Variants in ALMS1 observed in about 807,000 individuals in gnomAD.
The protein encoded by ALMS1 is ALMS1 centrosome and basal body associated protein.
In ALMS1, 271 loss-of-function variants were observed where a neutral mutation model predicts 352.2. That is an observed-to-expected ratio of 0.77 (90% CI 0.70 to 0.85). ALMS1 has a LOEUF of 0.85. ALMS1 is among the 40% of genes least tolerant of loss of function. The pLI is 0.00. For missense variants in ALMS1, 5,445 were observed against 4,870.7 expected, an observed-to-expected ratio of 1.12 and a Z score of -3.51; for synonymous variants, 1,865 against 1,761.2, an observed-to-expected ratio of 1.06 and a Z score of -1.48.
chr2:73,425,835 T>C (rs1431968438), intron 5 of ALMS1, among the ~76,000 whole-genome samples: 1 of 152,206 alleles, frequency 6.6e-6, no homozygotes, highest in Non-Finnish European at 1.5e-5. Context: ...GTAATAATGA[T>C]AGCTTCCTAT....
intron 11 of ALMS1, among the ~76,000 whole-genome samples, chr2:73,520,913 T>A (rs1572992160): frequency 6.6e-6 from 1 of 152,326 alleles, no homozygotes; most frequent in African/African-American, 2.4e-5. Flanking sequence ...ATGGAGACTT[T>A]ACTAATTTTT....
At chr2:73,495,781 G>A (rs754035249) in intron 10 of ALMS1, among the ~76,000 whole-genome samples, 6 of 152,088 alleles carry the variant, frequency 3.9e-5, no homozygotes, top group Non-Finnish European at 7.4e-5. Context: ...GATCCACAAG[G>A]TTGATTCTAG....
chr2:73,462,874 T>C (rs1313210851), intron 9 of ALMS1: 1 of 151,946 alleles, frequency 6.6e-6, no homozygotes, highest in Non-Finnish European at 1.5e-5. Context: ...CATTACATAA[T>C]GGTAAAGGGA....
intron 19 of ALMS1, 133 bp downstream of exon 19, chr2:73,601,569 A>T: frequency 7.2e-7 from 1 of 1,382,832 alleles, no homozygotes; most frequent in South Asian, 1.3e-5. Context: ...TCCGCAGTTC[A>T]CCTGTTTTCA....
In ALMS1 at chr2:73,449,765, C is replaced by T. The variant is rs1572933656; in HGVS notation, c.3238C>T (p.Pro1080Ser). ...PEESLKVSAFPGPADQMTDTP... is the reference protein window; with the variant it reads ...PEESLKVSAFSGPADQMTDTP... ...AGAGAGTCTGAAAGTTTCAGCCTTC[C>T]CTGGACCAGCTGACCAGATGACTGA... Residue 1080 changes from proline to serine, a missense_variant, in exon 8 of 23, where the codon CCT becomes TCT. Transcript: ENST00000613296. 6.2e-7 allele frequency: 1 copy of T among 1,614,056 alleles called. No homozygotes were observed. The highest frequency in any genetic ancestry group is 1.3e-5 in the African/African-American group (1 of 75,026).
chr2:73,414,749 C>T (rs745970716), intron 2 of ALMS1, among the ~76,000 whole-genome samples: 2 of 152,018 alleles, frequency 1.3e-5, no homozygotes, highest in Non-Finnish European at 2.9e-5. Flanking sequence ...TGTTCTCTCT[C>T]AGTATCCTTT....
chr2:73,450,707 C>G lies in ALMS1; in HGVS notation c.4180C>G (p.Gln1394Glu). ...AGAGAAGCCGAGTATTTTCTACCAA[C>G]AGTCGTTGCCAGGTAGTCATCTAAC... Reference protein sequence around the residue: ...HTEKPSIFYQQSLPGSHLTEE... With the variant: ...HTEKPSIFYQESLPGSHLTEE... The change falls in exon 8 of 23, where the codon CAG becomes GAG. Residue 1394 changes from glutamine to glutamate, a missense_variant. Gln to Glu is a conservative substitution (Grantham distance 29). Coordinates refer to ENST00000613296, the MANE Select transcript of ALMS1 (RefSeq NM_001378454.1). 1 of 1,613,350 alleles carries G rather than the reference C, an allele frequency of 6.2e-7. No individual in the cohort carries two copies. Among genetic ancestry groups the G allele is most frequent in the Non-Finnish European group, 8.5e-7 (1 of 1,179,642 alleles).
intron 9 of ALMS1, among the ~76,000 whole-genome samples, chr2:73,463,619 A>C (rs1299434730): frequency 7.9e-6 from 1 of 126,526 alleles, no homozygotes; most frequent in Non-Finnish European, 1.7e-5. Context: ...AACTGAAGGA[A>C]ATAGAGACAC....
intron 16 of ALMS1, among the ~76,000 whole-genome samples, chr2:73,579,074 T>A (rs1259014850): frequency 2.2e-5 from 3 of 137,948 alleles, no homozygotes; most frequent in Admixed American, 1.4e-4. Flanking sequence ...TTTTTTTATT[T>A]ATTTTTTTTT....
At chr2:73,454,301 G>A (rs1009522099) in intron 8 of ALMS1, 1 of 979,528 alleles carries the variant, frequency 1.0e-6, no homozygotes, top group South Asian at 4.7e-5. Flanking sequence ...TTAAGTTACA[G>A]TATTAATAGT....
chr2:73,605,325 A>G (rs997131102), intron 21 of ALMS1, among the ~76,000 whole-genome samples: 6 of 152,316 alleles, frequency 3.9e-5, no homozygotes, highest in Non-Finnish European at 5.9e-5. Context: ...GGCATTAACA[A>G]ATGTGATGTT....
intron 7 of ALMS1, among the ~76,000 whole-genome samples, chr2:73,440,462 C>T (rs1247647550): frequency 1.3e-5 from 2 of 152,160 alleles, no homozygotes; most frequent in South Asian, 2.1e-4. Context: ...CTTTCTCTCT[C>T]TCTCTCTCTT....
chr2:73,572,388 G>A lies in ALMS1; in HGVS notation c.10511G>A (p.Ser3504Asn), dbSNP rs1558699257. ...ATTTGCCATGAATCTTTGGGAAAGA[G>A]TGTTTTCATGAGACATTCTTGGAAA... is the stretch of plus-strand genomic sequence containing the variant. ...QDICHESLGK[S>N]VFMRHSWKDF... The change falls in exon 16 of 23, where the codon AGT (serine) becomes AAT (asparagine). Residue 3504 changes from serine (S) to asparagine (N), a missense_variant. Coordinates refer to ENST00000613296, the MANE Select transcript of ALMS1 (RefSeq NM_001378454.1). 6.2e-7 allele frequency: 1 copy of A among 1,610,576 alleles called. No homozygotes were observed. The highest frequency in any genetic ancestry group is 2.2e-5 in the East Asian group (1 of 44,844).
chr2:73,462,387 T>C (rs1672224106), intron 9 of ALMS1, among the ~76,000 whole-genome samples: 1 of 152,142 alleles, frequency 6.6e-6, no homozygotes, highest in Non-Finnish European at 1.5e-5. Context: ...AATAAAATCC[T>C]TTACAGACAA....
intron 1 of ALMS1, among the ~76,000 whole-genome samples, chr2:73,392,952 T>C (rs1558627471): frequency 6.6e-6 from 1 of 152,226 alleles, no homozygotes; most frequent in Non-Finnish European, 1.5e-5. Flanking sequence ...CTATTAGCAG[T>C]GTATGAGAGT....
chr2:73,510,602 G>A (rs1558675538), intron 10 of ALMS1, among the ~76,000 whole-genome samples: 1 of 152,166 alleles, frequency 6.6e-6, no homozygotes, highest in South Asian at 2.1e-4. Flanking sequence ...TCCCAGAGGG[G>A]CACCCGCCAG....
intron 15 of ALMS1, among the ~76,000 whole-genome samples, chr2:73,564,565 AT>A (rs1026609843): frequency 6.6e-6 from 1 of 152,052 alleles, no homozygotes; most frequent in African/African-American, 2.4e-5. Context: ...ATTTTAGAAT[AT>A]TTTCTTCACT....
At chr2:73,593,190 GGAAAAAA>G (rs899471886) in intron 16 of ALMS1, among the ~76,000 whole-genome samples, 1 of 129,320 alleles carries the variant, frequency 7.7e-6, no homozygotes, top group Non-Finnish European at 1.6e-5. Context: ...AATGGATTCA[GGAAAAAA>G]AAAAAAAAAA....
intron 11 of ALMS1, among the ~76,000 whole-genome samples, chr2:73,520,697 A>G (rs910141145): frequency 6.6e-6 from 1 of 152,218 alleles, no homozygotes; most frequent in African/African-American, 2.4e-5. Context: ...TCCAAAATGA[A>G]GAAGAAATGG....
Sources: allele counts gnomAD v4.1 joint callset (sites outside exome capture counted in the v4.1 genomes callset), GRCh38; gene constraint gnomAD v4.1.1; transcripts MANE v1.5; gene names NCBI Gene and HGNC (gene_info 2026-07-23, HGNC 2026-07-21).